CAMTA1: variants seen among roughly 807,000 people sequenced by gnomAD.
The protein encoded by CAMTA1 is calmodulin-binding transcription activator 1.
CAMTA1 carries 27 observed loss-of-function variants against 170.9 expected under a neutral mutation model. The ratio of observed to expected loss-of-function variants is 0.16; its 90% CI spans 0.12 to 0.22. The LOEUF is 0.22. CAMTA1 is among the 10% of genes least tolerant of loss of function. CAMTA1 has a pLI of 1.00. For missense variants in CAMTA1, 1,619 were observed against 2,217.2 expected, an observed-to-expected ratio of 0.73 and a Z score of 5.42; for synonymous variants, 833 against 891.5, an observed-to-expected ratio of 0.93 and a Z score of 1.17.
Position 6,895,667 on chromosome 1 carries a change from C to CT in CAMTA1, c.234+70463dup, listed in dbSNP as rs574280500. 2.6e-3 allele frequency among the ~76,000 whole-genome samples: 393 copies of CT among 152,286 alleles called. 1 individual carries two copies. The highest frequency in any genetic ancestry group is 9.1e-3 in the African/African-American group (380 of 41,558). On this transcript the variant is annotated intron_variant, in intron 3 of 22. Transcript: ENST00000303635. Reference sequence around the variant, plus strand: ...TACGGGGAATCCATCAAACATGATTCTTTTTTGCATTCGCTGTTTTCTCTA... The same window carrying CT: ...TACGGGGAATCCATCAAACATGATTCTTTTTTTGCATTCGCTGTTTTCTCTA...
At chr1:7,683,963 C>G (rs967613289) in intron 11 of CAMTA1, among the ~76,000 whole-genome samples, 21 of 152,194 alleles carry the variant, frequency 1.4e-4, no homozygotes, top group Non-Finnish European at 2.8e-4. Context: ...ACCAAGAGGT[C>G]TGGTCCTCAG....
Position 7,010,184 on chromosome 1 carries a change from T to C in CAMTA1, c.235-81120T>C, listed in dbSNP as rs1699584287. On this transcript the variant is annotated intron_variant, in intron 3 of 22. Coordinates refer to ENST00000303635, the MANE Select transcript of CAMTA1 (RefSeq NM_015215.4). This position sits in a 1 kb window ranked among gnomAD's most constrained non-coding sequence, Gnocchi z 4.4. ...GGACACTGCTGCGAGGAGGGCTTCC[T>C]GGAGCTTGGGGAAGCTTCAGTCCAG... is the stretch of plus-strand genomic sequence containing the variant. Among the ~76,000 whole-genome samples, 1 of 152,224 alleles carries C rather than the reference T, an allele frequency of 6.6e-6. No individual in the cohort carries two copies. The highest frequency in any genetic ancestry group is 2.1e-4 in the South Asian group (1 of 4,830).
chr1:6,900,096 A>G (rs1676601564), intron 3 of CAMTA1, among the ~76,000 whole-genome samples: 1 of 152,360 alleles, frequency 6.6e-6, no homozygotes, highest in Non-Finnish European at 1.5e-5. Flanking sequence ...TACCAGGCTG[A>G]AAGAGATCAC....
At chr1:7,507,065 G>A (rs2094127886) in intron 6 of CAMTA1, among the ~76,000 whole-genome samples, 1 of 151,564 alleles carries the variant, frequency 6.6e-6, no homozygotes, top group Admixed American at 6.6e-5. Context: ...ATTCACACTT[G>A]CTCTCATATT....
At chr1:7,187,043 G>C (rs151196540) in intron 4 of CAMTA1, among the ~76,000 whole-genome samples, 3 of 152,212 alleles carry the variant, frequency 2.0e-5, no homozygotes, top group African/African-American at 7.2e-5. Context: ...AGGGCTGGAG[G>C]TGCTCACCTG....
At chr1:7,069,469 C>T (rs185675966) in intron 3 of CAMTA1, among the ~76,000 whole-genome samples, 72 of 152,304 alleles carry the variant, frequency 4.7e-4, no homozygotes, top group African/African-American at 1.7e-3. Context: ...TGGCACGGGG[C>T]AACGGGGCAA....
rs553952609 is a variant in CAMTA1, at chr1:6,830,186, A to G, written c.234+4976A>G. Among the ~76,000 whole-genome samples the G allele has an allele frequency of 4.0e-5, 6 of 151,104 alleles. 1 individual carries two copies. The South Asian group carries it at 1.3e-3, about 32-fold the overall frequency. Reference sequence around the variant, plus strand: ...CGCGTAGCTAGGACTACAGGCGCCCACCACCATGCCGGGCTAGTTTTTTAT... The same window carrying G: ...CGCGTAGCTAGGACTACAGGCGCCCGCCACCATGCCGGGCTAGTTTTTTAT... On this transcript the variant is annotated intron_variant, in intron 3 of 22. Coordinates refer to ENST00000303635, the MANE Select transcript of CAMTA1 (RefSeq NM_015215.4).
At chr1:6,911,731 G>A (rs1244925680) in intron 3 of CAMTA1, among the ~76,000 whole-genome samples, 1 of 152,168 alleles carries the variant, frequency 6.6e-6, no homozygotes, top group African/African-American at 2.4e-5. Flanking sequence ...TCTGAAAAAT[G>A]GGAAGGCCGA....
Position 6,969,461 on chromosome 1 carries a change from TC to T in CAMTA1, c.235-121838del, listed in dbSNP as rs532501479. Among the ~76,000 whole-genome samples, 601 of 152,260 alleles carry T rather than the reference TC, an allele frequency of 3.9e-3. 5 individuals carry two copies. Among genetic ancestry groups the T allele is most frequent in the African/African-American group, 0.014 (567 of 41,554 alleles). On this transcript the variant is annotated intron_variant, in intron 3 of 22. Transcript: ENST00000303635. ...TTGCCCTGGAACCTGGTCCGGCTCC[TC>T]CCCCGGATGATCACATCTGCTTTGG... is the stretch of plus-strand genomic sequence containing the variant.
chr1:7,630,040 C>T (rs1576483118), intron 6 of CAMTA1, among the ~76,000 whole-genome samples: 1 of 152,214 alleles, frequency 6.6e-6, no homozygotes. Flanking sequence ...CATCTGCAAA[C>T]GTGGAGATTT....
intron 6 of CAMTA1, among the ~76,000 whole-genome samples, chr1:7,618,917 T>G (rs1159990096): frequency 1.3e-5 from 2 of 152,140 alleles, no homozygotes; most frequent in Non-Finnish European, 2.9e-5. Flanking sequence ...AATGCTTTAT[T>G]CTTGTCTCTT....
intron 4 of CAMTA1, among the ~76,000 whole-genome samples, chr1:7,237,168 C>A (rs952424072): frequency 6.6e-6 from 1 of 152,226 alleles, no homozygotes; most frequent in Non-Finnish European, 1.5e-5. Context: ...CTTTAGAAGC[C>A]ATCCAGATAC....
chr1:7,396,423 C>A (rs943149102), intron 5 of CAMTA1, among the ~76,000 whole-genome samples: 1 of 152,200 alleles, frequency 6.6e-6, no homozygotes, highest in African/African-American at 2.4e-5. Context: ...TCCTTTATAG[C>A]AATACAAATA....
chr1:6,901,002 T>TTACA (rs1676815406), intron 3 of CAMTA1, among the ~76,000 whole-genome samples: 1 of 152,212 alleles, frequency 6.6e-6, no homozygotes, highest in Non-Finnish European at 1.5e-5. Flanking sequence ...CTTCCTGTAA[T>TTACA]GCTACAGTAA....
intron 5 of CAMTA1, among the ~76,000 whole-genome samples, chr1:7,416,777 G>A (rs997415600): frequency 6.6e-5 from 10 of 152,152 alleles, no homozygotes; most frequent in Admixed American, 2.6e-4. Context: ...GTCATTCTCC[G>A]TCCAGCTTTG....
In CAMTA1 at chr1:7,456,630, G is replaced by C. The variant is rs965786780; in HGVS notation, c.439-11200G>C. On this transcript the variant is annotated intron_variant, in intron 5 of 22. Coordinates refer to ENST00000303635, the MANE Select transcript of CAMTA1 (RefSeq NM_015215.4). This position sits in a 1 kb window ranked among gnomAD's most constrained non-coding sequence, Gnocchi z 4.9. ...GCCTGGCACACCCAGCTCAGAGAAAGCCTGTTCTTTGCTGGGGCCCGCAGG... is the reference window on the plus strand; with the variant it reads ...GCCTGGCACACCCAGCTCAGAGAAACCCTGTTCTTTGCTGGGGCCCGCAGG... 6.6e-6 allele frequency among the ~76,000 whole-genome samples: 1 copy of C among 152,342 alleles called. No individual in the cohort carries two copies. The highest frequency in any genetic ancestry group is 2.4e-5 in the African/African-American group (1 of 41,592).
At chr1:7,744,386 C>T (rs563067644) in intron 16 of CAMTA1, among the ~76,000 whole-genome samples, 14 of 152,276 alleles carry the variant, frequency 9.2e-5, no homozygotes, top group African/African-American at 3.4e-4. Context: ...CCCACCTCGG[C>T]CTCCCAAAGT....
intron 6 of CAMTA1, among the ~76,000 whole-genome samples, chr1:7,627,635 C>T (rs948286342): frequency 1.3e-5 from 2 of 152,190 alleles, no homozygotes; most frequent in Non-Finnish European, 2.9e-5. Flanking sequence ...AACCCAGACT[C>T]GAACCTAAGG....
chr1:7,438,047 G>A (rs760703997), intron 5 of CAMTA1, among the ~76,000 whole-genome samples: 1 of 152,222 alleles, frequency 6.6e-6, no homozygotes, highest in Non-Finnish European at 1.5e-5. Flanking sequence ...AGCAGAATCT[G>A]AAGGAGAGGG....
Sources: gnomAD v4.1 joint callset for allele counts (sites outside exome capture counted in the v4.1 genomes callset) on GRCh38, gnomAD v4.1.1 for gene constraint, Gnocchi (gnomAD v3.1) non-coding constraint, MANE v1.5 for transcripts, NCBI Gene and HGNC (gene_info 2026-07-23, HGNC 2026-07-21) for gene names.